CLPB: variants seen among roughly 807,000 people sequenced by gnomAD.
CLPB encodes the protein ClpB family mitochondrial disaggregase, also known as mitochondrial disaggregase.
A neutral mutation model predicts 78.4 loss-of-function variants in CLPB; 40 were observed. The observed-to-expected ratio is 0.51, with a 90% CI of 0.40 to 0.66. CLPB has a LOEUF of 0.66. Among genes scored for constraint, CLPB ranks in the 30% least tolerant of loss-of-function variants. The pLI is 0.00. For missense variants in CLPB, 780 were observed against 886.9 expected (o/e 0.88, Z 1.53); for synonymous variants, 333 against 348.0 (o/e 0.96, Z 0.48).
At chr11:72,423,034 A>T (rs1856257743) in intron 2 of CLPB, among the ~76,000 whole-genome samples, 1 of 152,202 alleles carries the variant, frequency 6.6e-6, no homozygotes, top group Admixed American at 6.5e-5. Context: ...CTGTAAACCA[A>T]ATCAGATTTT....
At chr11:72,410,488 T>C (rs192403385) in intron 2 of CLPB, among the ~76,000 whole-genome samples, 26 of 152,346 alleles carry the variant, frequency 1.7e-4, no homozygotes, top group African/African-American at 5.5e-4. Context: ...AATAAAGCAC[T>C]GTACAAAATA....
intron 2 of CLPB, among the ~76,000 whole-genome samples, chr11:72,421,877 CTG>C (rs965824848): frequency 5.3e-5 from 8 of 152,216 alleles, no homozygotes; most frequent in Non-Finnish European, 2.9e-5. Context: ...CTACGCCACT[CTG>C]TAGAACTGCT....
chr11:72,352,026 G>A (rs888869895), intron 5 of CLPB, among the ~76,000 whole-genome samples: 6 of 152,040 alleles, frequency 3.9e-5, no homozygotes, highest in African/African-American at 1.4e-4. Context: ...ATCCCCTCAC[G>A]GCCTCTCCCA....
rs559051587 is a variant in CLPB at position 72,294,453 on chromosome 11, C to T, written c.1561-9G>A. On this transcript the variant is annotated splice_polypyrimidine_tract_variant and intron_variant, in intron 13 of 15. Coordinates refer to ENST00000538039, the MANE Select transcript of CLPB (RefSeq NM_001258392.3). ...TCCCTCCGGAAGTGAGCCTGAAGGG[C>T]CAGGTTAGGGGTGGGATGAGCTCAG... 6.2e-7 allele frequency: 1 copy of T among 1,614,040 alleles called. No homozygotes were observed. Among genetic ancestry groups the T allele is most frequent in the Non-Finnish European group, 8.5e-7 (1 of 1,179,988 alleles).
At chr11:72,433,625 T>G (rs1360202893) in intron 1 of CLPB, among the ~76,000 whole-genome samples, 1 of 151,746 alleles carries the variant, frequency 6.6e-6, no homozygotes, top group Non-Finnish European at 1.5e-5. Context: ...CCGAGTCAGG[T>G]TGTTCCTGAC....
chr11:72,321,678 G>A (rs1017240787), intron 6 of CLPB, among the ~76,000 whole-genome samples: 7 of 152,298 alleles, frequency 4.6e-5, no homozygotes, highest in African/African-American at 1.7e-4. Flanking sequence ...GTTCACTGAG[G>A]GGGCAGCTGG....
intron 3 of CLPB, among the ~76,000 whole-genome samples, chr11:72,386,293 ATT>A (rs1855075230): frequency 6.6e-6 from 1 of 152,146 alleles, no homozygotes; most frequent in Non-Finnish European, 1.5e-5. Context: ...CAAATCCCTT[ATT>A]AAGGTCCTTT....
intron 7 of CLPB, among the ~76,000 whole-genome samples, chr11:72,311,570 G>A (rs1235709305): frequency 6.6e-6 from 1 of 152,166 alleles, no homozygotes; most frequent in African/African-American, 2.4e-5. Flanking sequence ...CTGAGCCTGC[G>A]CTGTACTATG....
intron 4 of CLPB, among the ~76,000 whole-genome samples, chr11:72,379,684 A>C (rs1234469190): frequency 6.6e-6 from 1 of 152,232 alleles, no homozygotes; most frequent in Non-Finnish European, 1.5e-5. Context: ...TTTTATGAGG[A>C]TAGACATCAA....
Position 72,295,486 on chromosome 11 carries a change from C to T in CLPB, c.1486+6G>A, listed in dbSNP as rs527966953. On this transcript the variant is annotated splice_donor_region_variant and intron_variant, in intron 12 of 15. Transcript: ENST00000538039. The stretch of plus-strand genomic sequence containing the variant: ...TGGACCAGACTGCTCAGGTCAGCCG[C>T]CATACCCAGGTTTTCGGCAATACGG... The T allele has an allele frequency of 2.5e-6, 4 of 1,613,658 alleles. No homozygotes were observed. In the South Asian group the frequency reaches 3.3e-5, roughly 13 times the overall value.
At chr11:72,371,341 G>C (rs560639152) in intron 4 of CLPB, among the ~76,000 whole-genome samples, 1 of 151,868 alleles carries the variant, frequency 6.6e-6, no homozygotes, top group African/African-American at 2.4e-5. Context: ...ACCAGCCTGG[G>C]CAACATGGTG....
At chr11:72,388,412 G>A (rs1365405072) in intron 3 of CLPB, among the ~76,000 whole-genome samples, 2 of 151,936 alleles carry the variant, frequency 1.3e-5, no homozygotes, top group African/African-American at 2.4e-5. Context: ...CACCATGCCC[G>A]GCTAATTTTT....
rs1411273712 is a variant in CLPB, at chr11:72,345,197, A to G, written c.775+13683T>C. Among the ~76,000 whole-genome samples, 4 of 152,238 alleles carry G rather than the reference A, an allele frequency of 2.6e-5. No homozygotes were observed. In the East Asian group the frequency reaches 7.7e-4, roughly 29 times the overall value. ...ACTTCTAAGACTTTACTGTAAAGGC[A>G]TACCTCCAACAAGACCAAAATATAT... On this transcript the variant is annotated intron_variant, in intron 5 of 15. Coordinates refer to ENST00000538039, the MANE Select transcript of CLPB (RefSeq NM_001258392.3).
chr11:72,414,139 G>T (rs906183998), intron 2 of CLPB, among the ~76,000 whole-genome samples: 6 of 152,162 alleles, frequency 3.9e-5, no homozygotes, highest in African/African-American at 1.4e-4. Flanking sequence ...TGCTTCCCCA[G>T]GCAGTGTGTG....
At chr11:72,383,321 G>A (rs1367567779) in intron 3 of CLPB, among the ~76,000 whole-genome samples, 5 of 151,806 alleles carry the variant, frequency 3.3e-5, no homozygotes, top group African/African-American at 4.8e-5. Flanking sequence ...TCAGGAGATC[G>A]AGACCATCCT....
chr11:72,333,972 AG>A (rs1368802331), intron 5 of CLPB, among the ~76,000 whole-genome samples: 1 of 152,136 alleles, frequency 6.6e-6, no homozygotes, highest in Non-Finnish European at 1.5e-5. Context: ...AGGGAGGGTT[AG>A]GGAGAGACCT....
At position 72,323,581 on chromosome 11, in the gene CLPB, A is replaced by G. The variant is rs531624118; in HGVS notation, c.873+6126T>C. On this transcript the variant is annotated intron_variant, in intron 6 of 15. Transcript: ENST00000538039. ...ACTCCATCTCAAAAAAAAAAAAAAA[A>G]AAGTCAAGGTCATAAAAGTCAAGGA... is the stretch of plus-strand genomic sequence containing the variant. 2.3e-3 allele frequency among the ~76,000 whole-genome samples: 349 copies of G among 152,074 alleles called. 1 individual carries two copies. The highest frequency in any genetic ancestry group is 8.3e-3 in the South Asian group (40 of 4,820).
At chr11:72,325,029 A>G (rs1950107262) in intron 6 of CLPB, among the ~76,000 whole-genome samples, 1 of 152,110 alleles carries the variant, frequency 6.6e-6, no homozygotes, top group South Asian at 2.1e-4. Flanking sequence ...GATTAAAATG[A>G]GCAATAAATT....
chr11:72,347,238 T>C lies in CLPB; in HGVS notation c.775+11642A>G, dbSNP rs529207349. Among the ~76,000 whole-genome samples the C allele has an allele frequency of 4.7e-4, 71 of 152,254 alleles. 1 individual carries two copies. The South Asian group carries it at 0.014, about 31-fold the overall frequency. On this transcript the variant is annotated intron_variant, in intron 5 of 15. Coordinates refer to ENST00000538039, the MANE Select transcript of CLPB (RefSeq NM_001258392.3). Reference sequence around the variant, plus strand: ...TTTGATGAGGAGCAGGATATTTTTGTGGTCTTAAAAGTATCTCCTCACAGC... The same window carrying C: ...TTTGATGAGGAGCAGGATATTTTTGCGGTCTTAAAAGTATCTCCTCACAGC...
Sources: allele counts gnomAD v4.1 joint callset (sites outside exome capture counted in the v4.1 genomes callset), GRCh38; gene constraint gnomAD v4.1.1; transcripts MANE v1.5; gene names NCBI Gene and HGNC (gene_info 2026-07-23, HGNC 2026-07-21).